Variants in SMARCD3 observed in about 807,000 individuals in gnomAD.
The protein encoded by SMARCD3 is SWI/SNF-related matrix-associated actin-dependent regulator of chromatin subfamily D member 3.
SMARCD3 carries 14 observed loss-of-function variants against 58.0 expected under a neutral mutation model. The observed-to-expected ratio is 0.24, with a 90% confidence interval of 0.16 to 0.38. The LOEUF is 0.38. Among genes scored for constraint, SMARCD3 ranks in the 10% least tolerant of loss-of-function variants. SMARCD3 has a pLI of 1.00. For missense variants in SMARCD3, 408 were observed against 636.9 expected (o/e 0.64, Z 3.87); for synonymous variants, 253 against 253.8 (o/e 1.00, Z 0.03).
At chr7:151,261,303 C>T (rs1167152103) in intron 2 of SMARCD3, among the ~76,000 whole-genome samples, 5 of 152,222 alleles carry the variant, frequency 3.3e-5, no homozygotes, top group Non-Finnish European at 5.9e-5. Context: ...CCTCTATCCT[C>T]TACCCAGTGT....
rs559915355 is a variant in SMARCD3, at chr7:151,245,389, C to A, written c.290+71G>T. ...CGCCCCTTCCAATCCCCGCTACTCG[C>A]TTACCTGGTCCCTGCGGGTCCCCCA... On this transcript the variant is annotated intron_variant, in intron 2 of 12. Transcript: ENST00000262188. This position sits in a 1 kb window ranked among gnomAD's most constrained non-coding sequence, Gnocchi z 6.2. 580 of 574,314 alleles carry A rather than the reference C, an allele frequency of 1.0e-3. No homozygotes were observed. The highest frequency in any genetic ancestry group is 1.4e-3 in the Non-Finnish European group (544 of 390,440). The allele number at this position is 574,314 out of a possible 1,614,324, so 35.6% of individuals were successfully genotyped here. A position where few individuals can be genotyped will look rare whatever the true frequency, so the allele number is the denominator to read the frequency against.
Position 151,242,617 on chromosome 7 carries a change from G to A in SMARCD3, c.457-14C>T. On this transcript the variant is annotated splice_polypyrimidine_tract_variant and intron_variant, in intron 4 of 12. Transcript: ENST00000262188. The surrounding 1 kb of genome is among the most constrained non-coding windows in gnomAD (Gnocchi z 4.7). Reference sequence around the variant, plus strand: ...CTTCCGCTTTTGCTGTAGAAATAGAGTGCAGAACCGGGCGAATGCTGTGTG... The same window carrying A: ...CTTCCGCTTTTGCTGTAGAAATAGAATGCAGAACCGGGCGAATGCTGTGTG... 1 of 1,612,594 alleles carries A rather than the reference G, an allele frequency of 6.2e-7. No individual in the cohort carries two copies. The highest frequency in any genetic ancestry group is 1.1e-5 in the South Asian group (1 of 91,076).
rs1463641516 is a variant in SMARCD3 at position 151,248,312 on chromosome 7, G to A, written c.78+173C>T. ...CGTCAGACCCGGCCGGCCGCCTGGC[G>A]ACGTGTTCGGGTGCCAGGGCGCCAG... On this transcript the variant is annotated intron_variant, in intron 1 of 12. Transcript: ENST00000262188. The surrounding 1 kb of genome is among the most constrained non-coding windows in gnomAD (Gnocchi z 6.1). 6.7e-6 allele frequency among the ~76,000 whole-genome samples: 1 copy of A among 150,044 alleles called. No individual in the cohort carries two copies. The highest frequency in any genetic ancestry group is 6.6e-5 in the Admixed American group (1 of 15,084).
At chr7:151,262,185 A>G (rs534490832) in intron 2 of SMARCD3, among the ~76,000 whole-genome samples, 3 of 152,070 alleles carry the variant, frequency 2.0e-5, no homozygotes, top group South Asian at 2.1e-4. Flanking sequence ...GGCTCAAGCT[A>G]TCTTCCCACC....
In SMARCD3 at chr7:151,239,181, C is replaced by T; in HGVS notation, c.1399-25G>A. On this transcript the variant is annotated intron_variant, in intron 12 of 12. Transcript: ENST00000262188. The surrounding 1 kb of genome is among the most constrained non-coding windows in gnomAD (Gnocchi z 7.0). ...TCTTTAGAGGAAGTGAGAACAGGAG[C>T]AGGTGTCAGTGTTCTGGTGAGTGAT... 1 of 1,613,284 alleles carries T rather than the reference C, an allele frequency of 6.2e-7. No individual in the cohort carries two copies. The highest frequency in any genetic ancestry group is 8.5e-7 in the Non-Finnish European group (1 of 1,179,278).
chr7:151,251,958 C>T (rs1803532639), upstream of SMARCD3, among the ~76,000 whole-genome samples: 1 of 149,234 alleles, frequency 6.7e-6, no homozygotes, highest in Non-Finnish European at 1.5e-5. Flanking sequence ...CCGCCCGCGC[C>T]GGTCCCCGGC....
At chr7:151,258,886 CCTT>C (rs984596709) in intron 2 of SMARCD3, among the ~76,000 whole-genome samples, 9 of 152,138 alleles carry the variant, frequency 5.9e-5, no homozygotes, top group African/African-American at 2.2e-4. Flanking sequence ...TCACATGTCT[CCTT>C]CTCAATGAGG....
At chr7:151,250,323 A>G (rs1029453718), upstream of SMARCD3, among the ~76,000 whole-genome samples, 5 of 151,924 alleles carry the variant, frequency 3.3e-5, no homozygotes, top group African/African-American at 9.7e-5. Flanking sequence ...GCTTTAGCCT[A>G]GACTACCCCC....
upstream of SMARCD3, among the ~76,000 whole-genome samples, chr7:151,250,472 C>T (rs532059047): frequency 3.9e-5 from 6 of 151,902 alleles, no homozygotes; most frequent in African/African-American, 9.7e-5. Flanking sequence ...CCAGAATCCC[C>T]GCTCACTCCC....
At position 151,245,646 on chromosome 7, in the gene SMARCD3, C is replaced by T; in HGVS notation, c.104G>A (p.Arg35Gln). The change falls in exon 2 of 13, where the codon CGG becomes CAG. Residue 35 changes from arginine to glutamine, a missense_variant. Physicochemically the swap from Arg to Gln is conservative, Grantham distance 43 (BLOSUM62 1). Coordinates refer to ENST00000262188, the MANE Select transcript of SMARCD3 (RefSeq NM_001003801.2). This position sits in a 1 kb window ranked among gnomAD's most constrained non-coding sequence, Gnocchi z 6.2. ...CATGGGCGCCCCCTGGTGGGGCATC[C>T]GGGCTCCAGACGGCATCCCGGGGCG... Reference protein sequence around the residue: ...GVRPGMPSGARMPHQGAPMGP... With the variant: ...GVRPGMPSGAQMPHQGAPMGP... 1.1e-6 allele frequency: 1 copy of T among 871,512 alleles called. No homozygotes were observed. Among genetic ancestry groups the T allele is most frequent in the Non-Finnish European group, 1.4e-6 (1 of 693,078 alleles). 54.0% of individuals were successfully genotyped at this position (871,512 alleles called of 1,614,324 possible). A position where few individuals can be genotyped will look rare whatever the true frequency, so the allele number is the denominator to read the frequency against.
chr7:151,242,702 T>G lies in SMARCD3; in HGVS notation c.456+19A>C. 1 of 1,613,790 alleles carries G rather than the reference T, an allele frequency of 6.2e-7. No homozygotes were observed. Among genetic ancestry groups the G allele is most frequent in the Admixed American group, 1.7e-5 (1 of 59,986 alleles). On this transcript the variant is annotated intron_variant, in intron 4 of 12. Coordinates refer to ENST00000262188, the MANE Select transcript of SMARCD3 (RefSeq NM_001003801.2). This position sits in a 1 kb window ranked among gnomAD's most constrained non-coding sequence, Gnocchi z 4.7. ...TCACACAACTCTAGAGTCCCCTTCC[T>G]ACCCCCGAACTAAGGCACCTTCATG... is the stretch of plus-strand genomic sequence containing the variant.
chr7:151,248,754 CCCGCCGCCGCCG>C (rs563262664), upstream of SMARCD3: 806 of 1,041,678 alleles, frequency 7.7e-4, 22 homozygotes, highest in East Asian at 9.1e-4. This position sits in a 1 kb window ranked among gnomAD's most constrained non-coding sequence, Gnocchi z 6.1. Flanking sequence ...CCGCCGCCCG[CCCGCCGCCGCCG>C]CCGCCGCCGC....
chr7:151,245,577 G>T lies in SMARCD3; in HGVS notation c.173C>A (p.Pro58His), dbSNP rs1803218626. 8.6e-7 allele frequency: 1 copy of T among 1,165,868 alleles called. No homozygotes were observed. The highest frequency in any genetic ancestry group is 1.1e-6 in the Non-Finnish European group (1 of 928,768). The allele number at this position is 1,165,868 out of a possible 1,614,324, so 72.2% of individuals were successfully genotyped here. The part of the protein sequence containing the change: ...SPYMGSPAVR[P>H]GLAPAGMEPA... Reference sequence around the variant, plus strand: ...CTCCATGCCCGCGGGGGCCAGGCCGGGTCGCACGGCGGGGCTGCCCATGTA... The same window carrying T: ...CTCCATGCCCGCGGGGGCCAGGCCGTGTCGCACGGCGGGGCTGCCCATGTA... The change falls in exon 2 of 13, where the codon CCC becomes CAC. Residue 58 changes from proline (P) to histidine (H), a missense_variant. Around this residue, in one of 4 missense-constraint regions of SMARCD3, gnomAD observed 84 missense variants for 81.2 expected, o/e 1.03. Coordinates refer to ENST00000262188, the MANE Select transcript of SMARCD3 (RefSeq NM_001003801.2). This position sits in a 1 kb window ranked among gnomAD's most constrained non-coding sequence, Gnocchi z 6.2.
chr7:151,254,898 G>A (rs1163834655), intron 2 of SMARCD3, among the ~76,000 whole-genome samples: 1 of 152,216 alleles, frequency 6.6e-6, no homozygotes, highest in Non-Finnish European at 1.5e-5. Flanking sequence ...GAAGTGAATA[G>A]TTAACAAAAA....
chr7:151,257,247 C>T (rs1803731135), intron 2 of SMARCD3, among the ~76,000 whole-genome samples: 1 of 152,082 alleles, frequency 6.6e-6, no homozygotes, highest in Admixed American at 6.5e-5. Flanking sequence ...CCAGTAGCAA[C>T]AAAACTTCTG....
intron 2 of SMARCD3, among the ~76,000 whole-genome samples, chr7:151,264,832 G>A (rs1000784577): frequency 6.6e-6 from 1 of 152,186 alleles, no homozygotes; most frequent in Non-Finnish European, 1.5e-5. Context: ...CATACTAACT[G>A]CCCAGGGTAA....
In SMARCD3 at chr7:151,243,291, C is replaced by T. The variant is rs1332775956; in HGVS notation, c.333+368G>A. On this transcript the variant is annotated intron_variant, in intron 3 of 12. Transcript: ENST00000262188. The surrounding 1 kb of genome is among the most constrained non-coding windows in gnomAD (Gnocchi z 4.4). ...AGCCCCCACACCTGTCCCAACTGTG[C>T]TGTCCCCATACCCAGCTGGACCTGG... Among the ~76,000 whole-genome samples the T allele has an allele frequency of 6.6e-6, 1 of 152,220 alleles. No homozygotes were observed. The highest frequency in any genetic ancestry group is 1.5e-5 in the Non-Finnish European group (1 of 68,030).
chr7:151,256,611 C>T (rs1222556595), intron 2 of SMARCD3, among the ~76,000 whole-genome samples: 1 of 152,184 alleles, frequency 6.6e-6, no homozygotes, highest in African/African-American at 2.4e-5. Context: ...ACGAGCTCAG[C>T]TGGCATCGTG....
chr7:151,243,865 G>A lies in SMARCD3; in HGVS notation c.291-164C>T, dbSNP rs1803127657. Among the ~76,000 whole-genome samples the A allele has an allele frequency of 1.3e-5, 2 of 152,086 alleles. No individual in the cohort carries two copies. The highest frequency in any genetic ancestry group is 2.4e-5 in the African/African-American group (1 of 41,406). On this transcript the variant is annotated intron_variant, in intron 2 of 12. Coordinates refer to ENST00000262188, the MANE Select transcript of SMARCD3 (RefSeq NM_001003801.2). This position sits in a 1 kb window ranked among gnomAD's most constrained non-coding sequence, Gnocchi z 4.4. ...TGTGACGGTGGTGTGTGGAACCGGT[G>A]CTCTGTCCTCTCTCAGGACACAGGA... is the stretch of plus-strand genomic sequence containing the variant.
Sources: gnomAD v4.1 joint callset for allele counts (sites outside exome capture counted in the v4.1 genomes callset) on GRCh38, gnomAD v4.1.1 for gene constraint, gnomAD v4.1.1 regional missense constraint, Gnocchi (gnomAD v3.1) non-coding constraint, MANE v1.5 for transcripts, NCBI Gene and HGNC (gene_info 2026-07-23, HGNC 2026-07-21) for gene names.